Variants in TMEM135 observed in about 807,000 individuals in gnomAD.
TMEM135 encodes transmembrane protein 135.
TMEM135 carries 30 observed loss-of-function variants against 60.3 expected under a neutral mutation model. The ratio of observed to expected loss-of-function variants is 0.50; its 90% confidence interval spans 0.37 to 0.68. The LOEUF (loss-of-function observed/expected upper bound fraction) is 0.68, where lower values mean the gene tolerates loss of function less well. TMEM135 is among the 30% of genes least tolerant of loss of function. TMEM135 has a pLI of 0.00. For missense variants in TMEM135, 468 were observed against 548.8 expected, an observed-to-expected ratio of 0.85 and a Z score of 1.47; for synonymous variants, 190 against 186.7, an observed-to-expected ratio of 1.02 and a Z score of -0.14.
chr11:87,140,612 G>A (rs1457581665), intron 4 of TMEM135, among the ~76,000 whole-genome samples: 2 of 152,216 alleles, frequency 1.3e-5, no homozygotes, highest in South Asian at 2.1e-4. Flanking sequence ...ATATATTTTG[G>A]TGTGGGCATC....
chr11:87,159,191 C>T (rs1464117280), intron 5 of TMEM135, among the ~76,000 whole-genome samples: 3 of 152,102 alleles, frequency 2.0e-5, no homozygotes, highest in Middle Eastern at 3.2e-3. Flanking sequence ...TAGTGTCAGA[C>T]AAAGTGTTTA....
intron 5 of TMEM135, among the ~76,000 whole-genome samples, chr11:87,218,036 A>T (rs910608341): frequency 1.3e-5 from 2 of 152,106 alleles, no homozygotes; most frequent in Admixed American, 1.3e-4. Context: ...AATTTTGTAC[A>T]TCTTCCTAAA....
chr11:87,167,033 G>A (rs1939071936), intron 5 of TMEM135, among the ~76,000 whole-genome samples: 1 of 152,096 alleles, frequency 6.6e-6, no homozygotes, highest in Non-Finnish European at 1.5e-5. Flanking sequence ...TCCCTTGTAA[G>A]TTGTATTCCT....
rs747057998 is a variant in TMEM135, at chr11:87,327,310, C to G, written c.*5977C>G. The G allele has an allele frequency of 2.2e-6, 1 of 453,876 alleles. No homozygotes were observed. Among genetic ancestry groups the G allele is most frequent in the Non-Finnish European group, 4.4e-6 (1 of 226,784 alleles). 28.1% of individuals were successfully genotyped at this position (453,876 alleles called of 1,614,324 possible). A position where few individuals can be genotyped will look rare whatever the true frequency, so the allele number is the denominator to read the frequency against. Reference sequence around the variant, plus strand: ...TCAGTAGGGTCTGAATCTGTGGCAGCAATCTTGCAGACATGAAATGAAAAG... The same window carrying G: ...TCAGTAGGGTCTGAATCTGTGGCAGGAATCTTGCAGACATGAAATGAAAAG... On this transcript the variant is annotated 3_prime_UTR_variant, in exon 15 of 15. Transcript: ENST00000305494.
intron 5 of TMEM135, among the ~76,000 whole-genome samples, chr11:87,224,363 C>A (rs558074436): frequency 6.6e-6 from 1 of 152,142 alleles, no homozygotes; most frequent in African/African-American, 2.4e-5. Flanking sequence ...CCTTAGTGAA[C>A]AATAATCTTC....
chr11:87,060,528 T>C (rs899054067), intron 1 of TMEM135, among the ~76,000 whole-genome samples: 2 of 152,234 alleles, frequency 1.3e-5, no homozygotes, highest in Non-Finnish European at 2.9e-5. Flanking sequence ...ATTTAGAATG[T>C]GTTTTGACTT....
intron 5 of TMEM135, among the ~76,000 whole-genome samples, chr11:87,202,730 T>A (rs1387013881): frequency 3.3e-4 from 45 of 134,408 alleles, no homozygotes; most frequent in African/African-American, 5.5e-4. Flanking sequence ...TAAAAGACTT[T>A]AAAAAAAAAA....
intron 6 of TMEM135, among the ~76,000 whole-genome samples, chr11:87,281,674 T>C (rs1395061719): frequency 6.6e-6 from 1 of 152,224 alleles, no homozygotes; most frequent in Non-Finnish European, 1.5e-5. Flanking sequence ...GGAGAAACTT[T>C]ATACTTCCCT....
intron 6 of TMEM135, among the ~76,000 whole-genome samples, chr11:87,251,594 A>G (rs942590911): frequency 9.6e-5 from 8 of 83,104 alleles, no homozygotes. Context: ...TATTTTATAT[A>G]TTATGATTAT....
At chr11:87,246,725 G>A (rs1396541924) in intron 6 of TMEM135, among the ~76,000 whole-genome samples, 1 of 135,298 alleles carries the variant, frequency 7.4e-6, no homozygotes, top group East Asian at 2.0e-4. Flanking sequence ...GCACTTCTCT[G>A]TATTGGTTAT....
chr11:87,158,623 G>A (rs1157442854), intron 5 of TMEM135, among the ~76,000 whole-genome samples: 5 of 133,836 alleles, frequency 3.7e-5, no homozygotes, highest in Middle Eastern at 3.9e-3. Context: ...CACAACGCCC[G>A]GCTAATTTTT....
At chr11:87,062,419 C>G (rs1434691843) in intron 1 of TMEM135, among the ~76,000 whole-genome samples, 1 of 30,488 alleles carries the variant, frequency 3.3e-5, no homozygotes, top group Non-Finnish European at 6.6e-5. Context: ...CCCCCCAAGC[C>G]CCCCCCCCCC....
intron 4 of TMEM135, among the ~76,000 whole-genome samples, chr11:87,148,885 CCTT>C (rs1432266910): frequency 6.6e-6 from 1 of 152,070 alleles, no homozygotes; most frequent in African/African-American, 2.4e-5. Context: ...TGTGAATAAT[CCTT>C]CTGCGCATTA....
intron 5 of TMEM135, among the ~76,000 whole-genome samples, chr11:87,221,461 G>T (rs1940615330): frequency 6.6e-6 from 1 of 152,092 alleles, no homozygotes. Flanking sequence ...TATTTTAGGG[G>T]TTAAAGTTTG....
At chr11:87,053,139 G>GAATATCAC (rs1156293653) in intron 1 of TMEM135, among the ~76,000 whole-genome samples, 2 of 105,984 alleles carry the variant, frequency 1.9e-5, no homozygotes, top group Non-Finnish European at 3.4e-5. Context: ...ACAGGAAGGG[G>GAATATCAC]AATATCACAC....
intron 3 of TMEM135, among the ~76,000 whole-genome samples, chr11:87,074,195 A>G (rs947693246): frequency 6.6e-6 from 1 of 152,062 alleles, no homozygotes; most frequent in Non-Finnish European, 1.5e-5. Flanking sequence ...CGAACTCCCA[A>G]CCTCAGGTGA....
At chr11:87,193,335 C>A (rs1227808130) in intron 5 of TMEM135, among the ~76,000 whole-genome samples, 3 of 152,124 alleles carry the variant, frequency 2.0e-5, no homozygotes, top group African/African-American at 7.2e-5. Context: ...TTTATCAAAT[C>A]ACTTAATCTA....
At chr11:87,230,612 A>G (rs775377215) in intron 5 of TMEM135, among the ~76,000 whole-genome samples, 30 of 152,160 alleles carry the variant, frequency 2.0e-4, no homozygotes, top group Non-Finnish European at 3.8e-4. Context: ...GAAAGTGTAA[A>G]GTATATATAT....
intron 4 of TMEM135, among the ~76,000 whole-genome samples, chr11:87,103,810 A>G (rs1857525029): frequency 6.6e-6 from 1 of 152,002 alleles, no homozygotes; most frequent in Non-Finnish European, 1.5e-5. Context: ...GCATGTCACT[A>G]TGCCCGGCTA....
Sources: gnomAD v4.1 joint callset for allele counts (sites outside exome capture counted in the v4.1 genomes callset) on GRCh38, gnomAD v4.1.1 for gene constraint, MANE v1.5 for transcripts, NCBI Gene and HGNC (gene_info 2026-07-23, HGNC 2026-07-21) for gene names.